The following FCHO2 variants were observed in gnomAD, a reference collection of about 807,000 sequenced individuals.
FCHO2 encodes the protein FCH and mu domain containing endocytic adaptor 2, also known as F-BAR domain only protein 2.
FCHO2 carries 43 observed loss-of-function variants against 114.1 expected under a neutral mutation model. That is an observed-to-expected ratio of 0.38 (90% CI 0.30 to 0.49). The LOEUF (loss-of-function observed/expected upper bound fraction) is 0.49. Among genes scored for constraint, FCHO2 ranks in the 20% least tolerant of loss-of-function variants. FCHO2 has a pLI of 0.97. For missense variants in FCHO2, 807 were observed against 950.4 expected (o/e 0.85, Z 1.98); for synonymous variants, 293 against 315.2 (o/e 0.93, Z 0.75).
At chr5:73,005,898 G>A (rs1245559943) in intron 5 of FCHO2, among the ~76,000 whole-genome samples, 1 of 152,044 alleles carries the variant, frequency 6.6e-6, no homozygotes, top group African/African-American at 2.4e-5. Context: ...ACAAGTTTCT[G>A]TATTTGCTGG....
intron 19 of FCHO2, among the ~76,000 whole-genome samples, chr5:73,074,094 T>A (rs1742801650): frequency 1.3e-5 from 2 of 152,072 alleles, no homozygotes; most frequent in South Asian, 4.1e-4. Context: ...TGCATAAATT[T>A]GTTTACATTT....
At chr5:73,078,882 A>G (rs1382044692) in intron 22 of FCHO2, among the ~76,000 whole-genome samples, 1 of 152,210 alleles carries the variant, frequency 6.6e-6, no homozygotes, top group Admixed American at 6.5e-5. Context: ...TAGTGGAGAA[A>G]AATATTCACA....
intron 18 of FCHO2, among the ~76,000 whole-genome samples, chr5:73,064,154 A>G (rs1757963874): frequency 1.3e-5 from 2 of 152,108 alleles, no homozygotes; most frequent in South Asian, 2.1e-4. Context: ...CCAGGAGGAA[A>G]GAGATTTCCT....
chr5:72,978,945 C>G (rs1420058247), intron 2 of FCHO2, among the ~76,000 whole-genome samples: 19 of 151,902 alleles, frequency 1.3e-4, no homozygotes, highest in Non-Finnish European at 2.4e-4. Flanking sequence ...AGCCTTGCAT[C>G]CCAGGGATGA....
intron 2 of FCHO2, among the ~76,000 whole-genome samples, chr5:72,979,387 T>TC: frequency 8.9e-6 from 1 of 112,176 alleles, no homozygotes; most frequent in African/African-American, 3.5e-5. Context: ...TCTTTTTTTT[T>TC]TTTTTTTTTT....
chr5:73,034,444 T>C (rs923529389), intron 8 of FCHO2: 3 of 450,426 alleles, frequency 6.7e-6, no homozygotes, highest in Non-Finnish European at 1.2e-5. Context: ...AATGGGCTAG[T>C]CTTGTTATTT....
chr5:72,998,582 T>C (rs1431378272), intron 5 of FCHO2, among the ~76,000 whole-genome samples: 1 of 151,978 alleles, frequency 6.6e-6, no homozygotes, highest in Non-Finnish European at 1.5e-5. Context: ...GGGTTTCATA[T>C]CATTAATGCA....
chr5:72,980,715 T>G (rs916025787), intron 2 of FCHO2, among the ~76,000 whole-genome samples: 4 of 152,218 alleles, frequency 2.6e-5, no homozygotes, highest in African/African-American at 9.6e-5. Context: ...CTTTGTCTCT[T>G]TTGATCTTTC....
In FCHO2 at chr5:73,065,378, C is replaced by T. The variant is rs530643610; in HGVS notation, c.1449+1434C>T. 5.3e-5 allele frequency among the ~76,000 whole-genome samples: 8 copies of T among 151,922 alleles called. No homozygotes were observed. In the East Asian group the frequency reaches 1.6e-3, roughly 30 times the overall value. ...AGCAGAGAAGGAAAATTATAAATTT[C>T]CTCTGTATTTCACCACCCAAAGATA... On this transcript the variant is annotated intron_variant, in intron 18 of 25. Coordinates refer to ENST00000430046, the MANE Select transcript of FCHO2 (RefSeq NM_138782.3).
rs148888467 is a variant in FCHO2 at position 72,999,881 on chromosome 5, G to C, written c.496-6564G>C. On this transcript the variant is annotated intron_variant, in intron 5 of 25. Coordinates refer to ENST00000430046, the MANE Select transcript of FCHO2 (RefSeq NM_138782.3). ...ACTTAGATTTGTTTTATTATCATAG[G>C]TAATGTATTAAAGCCACTCTTGCTT... Among the ~76,000 whole-genome samples, 290 of 152,312 alleles carry C rather than the reference G, an allele frequency of 1.9e-3. 2 individuals are homozygous for C. Among genetic ancestry groups the C allele is most frequent in the African/African-American group, 6.7e-3 (279 of 41,576 alleles).
chr5:72,963,049 A>C (rs551811999), intron 1 of FCHO2, among the ~76,000 whole-genome samples: 2 of 152,186 alleles, frequency 1.3e-5, no homozygotes, highest in African/African-American at 4.8e-5. Context: ...GTGCAAGAGG[A>C]TGTTGCTGGA....
intron 22 of FCHO2, among the ~76,000 whole-genome samples, chr5:73,079,783 A>T (rs561877523): frequency 4.6e-5 from 7 of 152,212 alleles, no homozygotes; most frequent in Non-Finnish European, 1.0e-4. Context: ...AACTTTTTCT[A>T]TATGTGGGTC....
intron 1 of FCHO2, among the ~76,000 whole-genome samples, chr5:72,968,086 G>A (rs957751731): frequency 6.6e-5 from 10 of 151,692 alleles, no homozygotes; most frequent in Non-Finnish European, 8.8e-5. Flanking sequence ...CACCACGCCC[G>A]GCTAATTTTT....
Position 73,089,966 on chromosome 5 carries a change from A to G in FCHO2, c.*1876A>G, listed in dbSNP as rs1041416813. On this transcript the variant is annotated 3_prime_UTR_variant, in exon 26 of 26. Transcript: ENST00000430046. The stretch of plus-strand genomic sequence containing the variant: ...TTATATTGTGCTCTTTTAAATGCCA[A>G]TTACAGTCCCTTACTGGAATTCTAA... 1.3e-5 allele frequency: 2 copies of G among 152,578 alleles called. No individual in the cohort carries two copies. The highest frequency in any genetic ancestry group is 3.2e-3 in the Middle Eastern group (1 of 316). 9.5% of individuals were successfully genotyped at this position (152,578 alleles called of 1,614,324 possible). A position where few individuals can be genotyped will look rare whatever the true frequency, so the allele number is the denominator to read the frequency against.
chr5:73,048,493 G>T (rs865887689), intron 11 of FCHO2, among the ~76,000 whole-genome samples: 1 of 152,134 alleles, frequency 6.6e-6, no homozygotes, highest in Non-Finnish European at 1.5e-5. Context: ...GCGGTTGGTT[G>T]AATACATGCA....
At chr5:72,991,355 C>T (rs1421949325) in intron 5 of FCHO2, among the ~76,000 whole-genome samples, 1 of 152,228 alleles carries the variant, frequency 6.6e-6, no homozygotes, top group Non-Finnish European at 1.5e-5. Context: ...TGAGCCACTA[C>T]ACCCAACCAA....
At chr5:72,977,387 C>G (rs1580027486) in intron 2 of FCHO2, among the ~76,000 whole-genome samples, 1 of 152,224 alleles carries the variant, frequency 6.6e-6, no homozygotes, top group Non-Finnish European at 1.5e-5. Context: ...TGATGATGAG[C>G]ATTTTCTCTT....
At chr5:73,015,285 C>T (rs1184155893) in intron 6 of FCHO2, among the ~76,000 whole-genome samples, 2 of 149,236 alleles carry the variant, frequency 1.3e-5, no homozygotes, top group Non-Finnish European at 3.0e-5. Context: ...TTTTTGGAGA[C>T]GGAGTCTCGC....
At chr5:72,958,674 T>G (rs1044896525) in intron 1 of FCHO2, among the ~76,000 whole-genome samples, 1 of 152,222 alleles carries the variant, frequency 6.6e-6, no homozygotes, top group Non-Finnish European at 1.5e-5. Flanking sequence ...TTGACTGCCC[T>G]GGGTTCCTTG....
Sources: allele counts gnomAD v4.1 joint callset (sites outside exome capture counted in the v4.1 genomes callset), GRCh38; gene constraint gnomAD v4.1.1; transcripts MANE v1.5; gene names NCBI Gene and HGNC (gene_info 2026-07-23, HGNC 2026-07-21).